GNA14: variants seen among roughly 807,000 people sequenced by gnomAD.
The protein encoded by GNA14 is guanine nucleotide-binding protein subunit alpha-14.
Under a neutral mutation model 42.0 loss-of-function variants are expected in GNA14, and 50 were observed. That is an observed-to-expected ratio of 1.19 (90% CI 0.95 to 1.51). The LOEUF is 1.51. Among genes scored for constraint, GNA14 ranks in the 40% most tolerant of loss-of-function variants. The pLI is 0.00. For missense variants in GNA14, 473 were observed against 446.2 expected (o/e 1.06, Z -0.54); for synonymous variants, 173 against 163.1 (o/e 1.06, Z -0.46).
At chr9:77,439,990 G>C (rs575858266) in intron 2 of GNA14, among the ~76,000 whole-genome samples, 2 of 152,278 alleles carry the variant, frequency 1.3e-5, no homozygotes, top group East Asian at 3.9e-4. Context: ...AGAGTCCTAG[G>C]CTAGAGAAAC....
At chr9:77,437,737 A>C (rs555350443) in intron 2 of GNA14, among the ~76,000 whole-genome samples, 1 of 152,350 alleles carries the variant, frequency 6.6e-6, no homozygotes, top group South Asian at 2.1e-4. Flanking sequence ...AGCATGAGAC[A>C]AGATGGCGCC....
chr9:77,594,332 G>A (rs996246174), intron 1 of GNA14, among the ~76,000 whole-genome samples: 1 of 152,248 alleles, frequency 6.6e-6, no homozygotes, highest in African/African-American at 2.4e-5. Context: ...TTCTGCCAGG[G>A]CAGACACTTC....
intron 2 of GNA14, among the ~76,000 whole-genome samples, chr9:77,494,335 A>G (rs190700646): frequency 6.6e-6 from 1 of 152,324 alleles, no homozygotes; most frequent in East Asian, 1.9e-4. Context: ...GTCATTATTA[A>G]TCTTCAATAA....
At chr9:77,591,386 G>C (rs1439475524) in intron 1 of GNA14, among the ~76,000 whole-genome samples, 2 of 152,138 alleles carry the variant, frequency 1.3e-5, no homozygotes, top group Non-Finnish European at 2.9e-5. Flanking sequence ...TTTTAAAAAA[G>C]AATAGATTTT....
intron 1 of GNA14, among the ~76,000 whole-genome samples, chr9:77,569,925 T>G (rs888103661): frequency 4.0e-5 from 6 of 151,882 alleles, no homozygotes; most frequent in Non-Finnish European, 8.8e-5. Context: ...TGCCACCATG[T>G]CTGGCTAATT....
At chr9:77,566,746 T>C (rs1413577202) in intron 1 of GNA14, among the ~76,000 whole-genome samples, 3 of 152,168 alleles carry the variant, frequency 2.0e-5, no homozygotes, top group African/African-American at 4.8e-5. Context: ...AGTTTTAATC[T>C]ACCCTCACCC....
chr9:77,451,086 G>A (rs1408553669), intron 2 of GNA14, among the ~76,000 whole-genome samples: 1 of 152,096 alleles, frequency 6.6e-6, no homozygotes, highest in Non-Finnish European at 1.5e-5. Flanking sequence ...CGGCATCTGA[G>A]TATAGTGTGA....
chr9:77,575,861 C>G (rs930734681), intron 1 of GNA14, among the ~76,000 whole-genome samples: 4 of 152,164 alleles, frequency 2.6e-5, no homozygotes, highest in African/African-American at 9.7e-5. Context: ...GTGATTTTAA[C>G]AAGAAGACAA....
intron 2 of GNA14, among the ~76,000 whole-genome samples, chr9:77,488,163 A>G (rs1021246181): frequency 8.5e-5 from 13 of 152,334 alleles, no homozygotes; most frequent in African/African-American, 3.1e-4. Context: ...TGAGGAGGAT[A>G]TATTTCCTAG....
At chr9:77,535,580 G>A (rs985770615) in intron 1 of GNA14, among the ~76,000 whole-genome samples, 1 of 152,046 alleles carries the variant, frequency 6.6e-6, no homozygotes, top group Non-Finnish European at 1.5e-5. Flanking sequence ...AAAAGATACT[G>A]ATTTATGAGA....
At chr9:77,531,067 C>G (rs1564045190) in intron 1 of GNA14, among the ~76,000 whole-genome samples, 1 of 152,228 alleles carries the variant, frequency 6.6e-6, no homozygotes, top group Admixed American at 6.5e-5. Flanking sequence ...CTCAAAGTGC[C>G]TTGGATACCC....
At chr9:77,481,245 T>C (rs1836547987) in intron 2 of GNA14, among the ~76,000 whole-genome samples, 1 of 152,224 alleles carries the variant, frequency 6.6e-6, no homozygotes, top group South Asian at 2.1e-4. Flanking sequence ...TCTGGTGTGT[T>C]GTGTCTTTGT....
rs542593146 is a variant in GNA14, at chr9:77,443,639, T to C, written c.310-9117A>G. The stretch of plus-strand genomic sequence containing the variant: ...AACAGAATTTACTGGCCACAATAAG[T>C]GTTGGCATGAGGGGCCAAGTTCGTT... On this transcript the variant is annotated intron_variant, in intron 2 of 6. Transcript: ENST00000341700. Among the ~76,000 whole-genome samples the C allele has an allele frequency of 7.0e-4, 106 of 152,330 alleles. 1 individual carries two copies. The South Asian group carries it at 0.022, about 31-fold the overall frequency.
At chr9:77,630,708 T>C (rs12338862) in intron 1 of GNA14, among the ~76,000 whole-genome samples, 1 of 151,694 alleles carries the variant, frequency 6.6e-6, no homozygotes, top group Non-Finnish European at 1.5e-5. Flanking sequence ...TTAGAAAAAC[T>C]AGTTTTTTTT....
At chr9:77,522,693 T>C (rs1837377677) in intron 2 of GNA14, among the ~76,000 whole-genome samples, 1 of 152,160 alleles carries the variant, frequency 6.6e-6, no homozygotes, top group African/African-American at 2.4e-5. Flanking sequence ...ATCCACATGC[T>C]CTGGCTGCCT....
chr9:77,607,620 T>A (rs1823660771), intron 1 of GNA14, among the ~76,000 whole-genome samples: 1 of 152,222 alleles, frequency 6.6e-6, no homozygotes, highest in African/African-American at 2.4e-5. Context: ...GTGCTGAATG[T>A]CTTTTCATAC....
chr9:77,647,931 T>A lies in GNA14; in HGVS notation c.-138A>T. ...ACGGGGGCCGACTTGAGCTTTGGAG[T>A]AAGACGCCTGGACCTCCGAGGCTCA... On this transcript the variant is annotated 5_prime_UTR_variant, in exon 1 of 7. Coordinates refer to ENST00000341700, the MANE Select transcript of GNA14 (RefSeq NM_004297.4). 2.0e-6 allele frequency: 2 copies of A among 1,006,890 alleles called. No individual in the cohort carries two copies. The highest frequency in any genetic ancestry group is 2.9e-6 in the Non-Finnish European group (2 of 697,682). 62.4% of individuals were successfully genotyped at this position (1,006,890 alleles called of 1,614,324 possible).
At position 77,443,321 on chromosome 9, in the gene GNA14, G is replaced by A. The variant is rs577263947; in HGVS notation, c.310-8799C>T. ...GAATATTTAATTACTAAGACTTCACGTAAAAAAATGGATTTCCAGCTTCTT... is the reference window on the plus strand; with the variant it reads ...GAATATTTAATTACTAAGACTTCACATAAAAAAATGGATTTCCAGCTTCTT... On this transcript the variant is annotated intron_variant, in intron 2 of 6. Transcript: ENST00000341700. 7.2e-5 allele frequency among the ~76,000 whole-genome samples: 11 copies of A among 151,958 alleles called. No homozygotes were observed. The South Asian group carries it at 1.0e-3, about 14-fold the overall frequency.
At chr9:77,646,715 CA>C (rs1564075078) in intron 1 of GNA14, among the ~76,000 whole-genome samples, 2 of 152,202 alleles carry the variant, frequency 1.3e-5, no homozygotes, top group African/African-American at 4.8e-5. Flanking sequence ...AAAAAATTGA[CA>C]GCTGATATCA....
Sources: gnomAD v4.1 joint callset for allele counts (sites outside exome capture counted in the v4.1 genomes callset) on GRCh38, gnomAD v4.1.1 for gene constraint, MANE v1.5 for transcripts, NCBI Gene and HGNC (gene_info 2026-07-23, HGNC 2026-07-21) for gene names.